The following NRG3 variants were observed in gnomAD, a reference collection of about 807,000 sequenced individuals.
The protein encoded by NRG3 is neuregulin 3, also known as pro-neuregulin-3, membrane-bound isoform.
In NRG3, 31 loss-of-function variants were observed where a neutral mutation model predicts 66.9. The ratio of observed to expected loss-of-function variants is 0.46; its 90% confidence interval spans 0.35 to 0.63. The LOEUF (loss-of-function observed/expected upper bound fraction) is 0.63, where lower values mean the gene tolerates loss of function less well. NRG3 is among the 20% of genes least tolerant of loss of function. The pLI is 0.00. For missense variants in NRG3, 910 were observed against 878.9 expected, an observed-to-expected ratio of 1.04 and a Z score of -0.45; for synonymous variants, 393 against 359.4, an observed-to-expected ratio of 1.09 and a Z score of -1.06.
chr10:82,839,000 G>C (rs1187645897), intron 3 of NRG3, among the ~76,000 whole-genome samples: 1 of 152,068 alleles, frequency 6.6e-6, no homozygotes, highest in Non-Finnish European at 1.5e-5. Flanking sequence ...GATCTTGTGA[G>C]ACTTATTCAC....
intron 2 of NRG3, among the ~76,000 whole-genome samples, chr10:82,421,378 A>C (rs1318561000): frequency 6.6e-6 from 1 of 151,966 alleles, no homozygotes; most frequent in Non-Finnish European, 1.5e-5. Flanking sequence ...ATAAGTTAAC[A>C]CTTGTTTTGT....
intron 1 of NRG3, among the ~76,000 whole-genome samples, chr10:82,103,973 C>CTT (rs35702929): frequency 7.0e-6 from 1 of 143,758 alleles, no homozygotes; most frequent in Non-Finnish European, 1.5e-5. Flanking sequence ...TTTCTCGTGC[C>CTT]TTTTTTTTTT....
rs138945528 is a variant in NRG3, at chr10:82,975,448, C to T, written c.1412+1533C>T. Among the ~76,000 whole-genome samples the T allele has an allele frequency of 1.1e-3, 161 of 152,282 alleles. 1 individual carries two copies. Among genetic ancestry groups the T allele is most frequent in the African/African-American group, 3.6e-3 (149 of 41,560 alleles). On this transcript the variant is annotated intron_variant, in intron 7 of 8. Transcript: ENST00000372141. ...GTTCTCGTGTGCTTTTATGCTCCCT[C>T]CTAAACTTGGCTTCTCCTATGGTGT...
intron 1 of NRG3, among the ~76,000 whole-genome samples, chr10:81,897,600 T>C (rs1391467063): frequency 6.6e-6 from 1 of 151,224 alleles, no homozygotes; most frequent in Non-Finnish European, 1.5e-5. Context: ...ATGAGTTGGA[T>C]TGGGTGGGGG....
intron 1 of NRG3, among the ~76,000 whole-genome samples, chr10:82,341,807 T>C (rs995140191): frequency 7.2e-5 from 11 of 152,020 alleles, no homozygotes; most frequent in Admixed American, 5.9e-4. Flanking sequence ...TAAATGTCCA[T>C]GTGTACCCTT....
At chr10:81,951,931 A>G (rs1055938428) in intron 1 of NRG3, among the ~76,000 whole-genome samples, 9 of 152,220 alleles carry the variant, frequency 5.9e-5, no homozygotes, top group African/African-American at 2.2e-4. Flanking sequence ...ACCATGGAAT[A>G]CTATGCAGCC....
chr10:82,939,217 C>T (rs963045199), intron 4 of NRG3, among the ~76,000 whole-genome samples: 3 of 151,908 alleles, frequency 2.0e-5, no homozygotes, highest in South Asian at 2.1e-4. Flanking sequence ...AGGAGATAAG[C>T]GGTTATTACA....
chr10:82,430,179 C>T (rs1367164829), intron 2 of NRG3, among the ~76,000 whole-genome samples: 1 of 152,130 alleles, frequency 6.6e-6, no homozygotes, highest in Non-Finnish European at 1.5e-5. Flanking sequence ...TCTAGTCCTT[C>T]TCAGAAACAA....
intron 1 of NRG3, among the ~76,000 whole-genome samples, chr10:81,964,865 A>C (rs1245808065): frequency 6.6e-6 from 1 of 152,146 alleles, no homozygotes; most frequent in Non-Finnish European, 1.5e-5. Flanking sequence ...CTTATTGAGC[A>C]TTTGTATTTC....
intron 2 of NRG3, among the ~76,000 whole-genome samples, chr10:82,362,331 ATATGTGTGTGTG>A (rs1433035883): frequency 1.1e-3 from 139 of 123,776 alleles, no homozygotes; most frequent in African/African-American, 4.3e-3. Context: ...GTGTATATAT[ATATGTGTGTGTG>A]TGTGTGTGTG....
chr10:82,553,815 C>T (rs967188305), intron 2 of NRG3, among the ~76,000 whole-genome samples: 6 of 152,114 alleles, frequency 3.9e-5, no homozygotes, highest in Non-Finnish European at 8.8e-5. Context: ...GATTAAGGCA[C>T]ATCCCCCTCA....
chr10:81,996,728 A>C (rs924019788), intron 1 of NRG3, among the ~76,000 whole-genome samples: 5 of 152,016 alleles, frequency 3.3e-5, no homozygotes, highest in African/African-American at 1.2e-4. Flanking sequence ...GAGAGAAAGG[A>C]GGGAGAGGAG....
chr10:82,680,579 C>A (rs906224004), intron 2 of NRG3, among the ~76,000 whole-genome samples: 2 of 152,128 alleles, frequency 1.3e-5, no homozygotes, highest in African/African-American at 4.8e-5. Flanking sequence ...TGATTTTAAT[C>A]TTTATTCTCT....
intron 1 of NRG3, among the ~76,000 whole-genome samples, chr10:82,152,864 T>C (rs2070875674): frequency 6.6e-6 from 1 of 151,504 alleles, no homozygotes; most frequent in Non-Finnish European, 1.5e-5. Flanking sequence ...CTTTTCTTTC[T>C]TTTTCTTTTC....
chr10:82,198,861 G>A (rs2074597303), intron 1 of NRG3, among the ~76,000 whole-genome samples: 1 of 151,978 alleles, frequency 6.6e-6, no homozygotes, highest in Non-Finnish European at 1.5e-5. Flanking sequence ...GCCAGGTGTG[G>A]TGGCACACAT....
At chr10:82,917,147 G>T (rs147583955) in intron 4 of NRG3, among the ~76,000 whole-genome samples, 2 of 152,174 alleles carry the variant, frequency 1.3e-5, no homozygotes, top group Non-Finnish European at 2.9e-5. Context: ...AATTTGATAA[G>T]GGGGAAGAAA....
intron 3 of NRG3, among the ~76,000 whole-genome samples, chr10:82,858,550 C>T (rs2063935463): frequency 6.6e-6 from 1 of 152,228 alleles, no homozygotes; most frequent in South Asian, 2.1e-4. Context: ...GAAGACTCAA[C>T]TTGCCTTCCT....
chr10:81,882,120 AC>A (rs1842233404), intron 1 of NRG3, among the ~76,000 whole-genome samples: 1 of 152,226 alleles, frequency 6.6e-6, no homozygotes, highest in South Asian at 2.1e-4. Flanking sequence ...AGAACAACTG[AC>A]GTAAACAAAT....
intron 2 of NRG3, among the ~76,000 whole-genome samples, chr10:82,499,135 G>A (rs553556663): frequency 6.6e-6 from 1 of 152,294 alleles, no homozygotes; most frequent in South Asian, 2.1e-4. Flanking sequence ...CAAGTGAGGA[G>A]TACTGAATTC....
Sources: gnomAD v4.1 joint callset for allele counts (sites outside exome capture counted in the v4.1 genomes callset) on GRCh38, gnomAD v4.1.1 for gene constraint, MANE v1.5 for transcripts, NCBI Gene and HGNC (gene_info 2026-07-23, HGNC 2026-07-21) for gene names.